CSMD1: variants seen among roughly 807,000 people sequenced by gnomAD.
CSMD1 encodes the protein CUB and sushi domain-containing protein 1.
Under a neutral mutation model 417.5 loss-of-function variants are expected in CSMD1, and 213 were observed. The observed-to-expected ratio is 0.51, with a 90% CI of 0.46 to 0.57. The LOEUF (loss-of-function observed/expected upper bound fraction) is 0.57, where lower values mean the gene tolerates loss of function less well. Ranked by LOEUF, CSMD1 falls within the 20% of genes least tolerant of loss-of-function variation. The pLI, the probability that CSMD1 is intolerant of heterozygous loss-of-function variation, is 0.00. For missense variants in CSMD1, 6,923 were observed against 4,529.7 expected (o/e 1.53, Z -15.17); for synonymous variants, 2,862 against 1,736.8 (o/e 1.65, Z -16.11).
intron 54 of CSMD1, among the ~76,000 whole-genome samples, chr8:2,983,109 C>G (rs1805565864): frequency 6.6e-6 from 1 of 152,130 alleles, no homozygotes; most frequent in African/African-American, 2.4e-5. Context: ...ATTCCAAGTT[C>G]CATCTGTTGT....
At chr8:4,155,966 G>C (rs919921264) in intron 3 of CSMD1, among the ~76,000 whole-genome samples, 1 of 152,116 alleles carries the variant, frequency 6.6e-6, no homozygotes, top group Non-Finnish European at 1.5e-5. Flanking sequence ...TAATCATCAA[G>C]TCACCAAAGT....
intron 4 of CSMD1, among the ~76,000 whole-genome samples, chr8:4,028,171 C>G (rs1011784266): frequency 6.6e-6 from 1 of 152,108 alleles, no homozygotes; most frequent in African/African-American, 2.4e-5. Context: ...TAATGGGCAT[C>G]TAGAGTAGGA....
At chr8:3,921,479 G>C (rs896116553) in intron 5 of CSMD1, among the ~76,000 whole-genome samples, 1 of 151,980 alleles carries the variant, frequency 6.6e-6, no homozygotes, top group Non-Finnish European at 1.5e-5. Flanking sequence ...GAGGTGTAAA[G>C]TTAGGTTGCT....
In CSMD1 at chr8:4,637,460, T is replaced by C. The variant is rs774614514; in HGVS notation, c.184A>G (p.Ile62Val). 1.9e-6 allele frequency: 3 copies of C among 1,613,736 alleles called. No homozygotes were observed. Among genetic ancestry groups the C allele is most frequent in the South Asian group, 2.2e-5 (2 of 91,078 alleles). Reference protein sequence around the residue: ...YPNYANCTWIIITGERNRIQL... With the variant: ...YPNYANCTWIVITGERNRIQL... The stretch of plus-strand genomic sequence containing the variant: ...ATCCTATTGCGCTCGCCCGTGATGA[T>C]GATCCAGGTGCAGTTGGCATAGTTC... Residue 62 changes from isoleucine (I) to valine (V), a missense_variant, in exon 2 of 70, where the codon ATC (isoleucine) becomes GTC (valine). Physicochemically the swap from Ile to Val is conservative, Grantham distance 29 (BLOSUM62 3). Transcript: ENST00000635120.
chr8:3,324,462 TC>T (rs1299303291), intron 23 of CSMD1, among the ~76,000 whole-genome samples: 1 of 136,520 alleles, frequency 7.3e-6, no homozygotes, highest in African/African-American at 2.8e-5. Flanking sequence ...GGAGTTTCCT[TC>T]CCCCCACCAT....
chr8:3,501,905 C>T (rs1001068117), intron 10 of CSMD1, among the ~76,000 whole-genome samples: 1 of 152,000 alleles, frequency 6.6e-6, no homozygotes, highest in Non-Finnish European at 1.5e-5. Flanking sequence ...ATATATCTAC[C>T]ATAGATACTG....
intron 3 of CSMD1, among the ~76,000 whole-genome samples, chr8:4,102,006 C>T (rs1168687763): frequency 6.6e-6 from 1 of 152,154 alleles, no homozygotes; most frequent in Non-Finnish European, 1.5e-5. Flanking sequence ...CCGGCAATAG[C>T]TGAGGGATTA....
intron 10 of CSMD1, among the ~76,000 whole-genome samples, chr8:3,567,129 C>T (rs1799747642): frequency 6.6e-6 from 1 of 152,086 alleles, no homozygotes; most frequent in South Asian, 2.1e-4. Context: ...TTTGCAGGGG[C>T]ATGGATGAAG....
At chr8:4,060,377 C>T (rs555353838) in intron 3 of CSMD1, among the ~76,000 whole-genome samples, 70 of 152,326 alleles carry the variant, frequency 4.6e-4, no homozygotes, top group African/African-American at 1.6e-3. Flanking sequence ...CCTTTGCAAA[C>T]TGGCACAAGA....
chr8:3,718,425 G>A (rs2129043597), intron 6 of CSMD1, among the ~76,000 whole-genome samples: 1 of 152,200 alleles, frequency 6.6e-6, no homozygotes, highest in East Asian at 1.9e-4. Context: ...TCCTTGGTCA[G>A]GAAAATCATC....
chr8:3,776,289 TC>T (rs1384547401), intron 5 of CSMD1, among the ~76,000 whole-genome samples: 1 of 152,126 alleles, frequency 6.6e-6, no homozygotes, highest in Admixed American at 6.5e-5. Context: ...CAGAACACTG[TC>T]CAGAGGGGTC....
At chr8:3,462,257 T>G (rs891266991) in intron 12 of CSMD1, among the ~76,000 whole-genome samples, 1 of 152,068 alleles carries the variant, frequency 6.6e-6, no homozygotes, top group African/African-American at 2.4e-5. Context: ...GCCCAATTGC[T>G]TCAGTTTGGA....
chr8:4,802,779 T>G (rs751348772), intron 1 of CSMD1, among the ~76,000 whole-genome samples: 3 of 152,198 alleles, frequency 2.0e-5, no homozygotes, highest in Non-Finnish European at 2.9e-5. Flanking sequence ...TCTCGCTTCC[T>G]GACATAGAAA....
At chr8:4,762,671 CTA>C (rs1198830884) in intron 1 of CSMD1, among the ~76,000 whole-genome samples, 1 of 152,082 alleles carries the variant, frequency 6.6e-6, no homozygotes, top group Non-Finnish European at 1.5e-5. Context: ...GTGTGGTTCT[CTA>C]TCAATAAGGT....
At position 3,923,361 on chromosome 8, in the gene CSMD1, G is replaced by C. The variant is rs148194491; in HGVS notation, c.818+74542C>G. On this transcript the variant is annotated intron_variant, in intron 5 of 69. Transcript: ENST00000635120. Reference sequence around the variant, plus strand: ...CCACATACGTATATTTTTTTCGCTTGTCCCCTTCCCATTGCAATTTCCTTA... The same window carrying C: ...CCACATACGTATATTTTTTTCGCTTCTCCCCTTCCCATTGCAATTTCCTTA... Among the ~76,000 whole-genome samples, 98 of 151,950 alleles carry C rather than the reference G, an allele frequency of 6.4e-4. No individual in the cohort carries two copies. The East Asian group carries it at 0.015, about 23-fold the overall frequency.
chr8:4,168,122 C>G (rs4395908), intron 3 of CSMD1, among the ~76,000 whole-genome samples: 80,449 of 150,534 alleles, frequency 0.53, 22,856 homozygotes, highest in Non-Finnish European at 0.62. Context: ...GAGCAAGGCT[C>G]TGTCTCAAAA....
At chr8:4,330,853 T>C (rs1799830618) in intron 3 of CSMD1, among the ~76,000 whole-genome samples, 1 of 152,096 alleles carries the variant, frequency 6.6e-6, no homozygotes, top group Non-Finnish European at 1.5e-5. Context: ...CCTTCCCAGA[T>C]TCTACAGCTC....
At chr8:3,003,497 G>C (rs1807593722) in intron 52 of CSMD1, among the ~76,000 whole-genome samples, 1 of 152,172 alleles carries the variant, frequency 6.6e-6, no homozygotes, top group Non-Finnish European at 1.5e-5. Context: ...AACAGAAACA[G>C]AATAACCTCA....
chr8:4,747,067 T>C (rs1182278802), intron 1 of CSMD1, among the ~76,000 whole-genome samples: 1 of 152,128 alleles, frequency 6.6e-6, no homozygotes, highest in Non-Finnish European at 1.5e-5. Flanking sequence ...ATCACCATCC[T>C]CTGGGGCTAG....
Sources: gnomAD v4.1 joint callset for allele counts (sites outside exome capture counted in the v4.1 genomes callset) on GRCh38, gnomAD v4.1.1 for gene constraint, MANE v1.5 for transcripts, NCBI Gene and HGNC (gene_info 2026-07-23, HGNC 2026-07-21) for gene names.